GABRG3: variants seen among roughly 807,000 people sequenced by gnomAD.
GABRG3 encodes the protein gamma-aminobutyric acid type A receptor subunit gamma3.
A neutral mutation model predicts 48.8 loss-of-function variants in GABRG3; 25 were observed. The observed-to-expected ratio is 0.51, with a 90% CI of 0.37 to 0.72. The LOEUF is 0.72. GABRG3 is among the 30% of genes least tolerant of loss of function. The pLI, the probability that GABRG3 is intolerant of heterozygous loss-of-function variation, is 0.00. For missense variants in GABRG3, 394 were observed against 577.9 expected (o/e 0.68, Z 3.26); for synonymous variants, 227 against 217.6 (o/e 1.04, Z -0.38).
intron 3 of GABRG3, among the ~76,000 whole-genome samples, chr15:27,065,186 C>T (rs558299632): frequency 6.6e-6 from 1 of 152,132 alleles, no homozygotes; most frequent in South Asian, 2.1e-4. Context: ...TTTTACTCAC[C>T]ATAACGAGTG....
intron 5 of GABRG3, among the ~76,000 whole-genome samples, chr15:27,409,846 G>A (rs1887744994): frequency 6.6e-6 from 1 of 152,036 alleles, no homozygotes. Flanking sequence ...TTTTTACATA[G>A]ATTTTTGGGG....
intron 3 of GABRG3, among the ~76,000 whole-genome samples, chr15:27,272,622 A>G (rs1891127365): frequency 6.6e-6 from 1 of 152,178 alleles, no homozygotes; most frequent in South Asian, 2.1e-4. Flanking sequence ...TTAAAGACTA[A>G]TTAGAGTGGC....
chr15:27,299,652 G>T (rs765977453), intron 3 of GABRG3, among the ~76,000 whole-genome samples: 2 of 152,090 alleles, frequency 1.3e-5, no homozygotes, highest in African/African-American at 4.8e-5. Flanking sequence ...TTCCACTCAG[G>T]TGATGGCTGT....
At chr15:27,209,351 C>CT (rs1888992220) in intron 3 of GABRG3, among the ~76,000 whole-genome samples, 3 of 97,038 alleles carry the variant, frequency 3.1e-5, no homozygotes, top group Non-Finnish European at 6.7e-5. Flanking sequence ...TCTTTCTTTC[C>CT]TTCCTTCCTT....
At position 27,107,210 on chromosome 15, in the gene GABRG3, T is replaced by G. The variant is rs546083808; in HGVS notation, c.270+80389T>G. 2.0e-5 allele frequency among the ~76,000 whole-genome samples: 3 copies of G among 152,172 alleles called. No homozygotes were observed. In the South Asian group the frequency reaches 6.2e-4, roughly 32 times the overall value. ...GGTGTAGGATTTTTATATATTACTTTTACTATATTGAGAATGTTTCCCTGT... is the reference window on the plus strand; with the variant it reads ...GGTGTAGGATTTTTATATATTACTTGTACTATATTGAGAATGTTTCCCTGT... On this transcript the variant is annotated intron_variant, in intron 3 of 9. Transcript: ENST00000615808.
chr15:27,326,675 C>A, intron 3 of GABRG3, 134 bp from the exon 4 acceptor site: 1 of 679,604 alleles, frequency 1.5e-6, no homozygotes, highest in South Asian at 1.8e-5. Flanking sequence ...CATGTTGAAC[C>A]AGTCTCTATC....
Position 27,236,812 on chromosome 15 carries a change from A to G in GABRG3, c.271-89997A>G, listed in dbSNP as rs1889986049. Among the ~76,000 whole-genome samples the G allele has an allele frequency of 6.6e-6, 1 of 152,224 alleles. No individual in the cohort carries two copies. Among genetic ancestry groups the G allele is most frequent in the Non-Finnish European group, 1.5e-5 (1 of 68,042 alleles). ...AACATGGGTCCCATGAAGAGGCATG[A>G]AGCGCAATTGCACGTGTGTTTGTTT... On this transcript the variant is annotated intron_variant, in intron 3 of 9. Transcript: ENST00000615808. The surrounding 1 kb of genome is among the most constrained non-coding windows in gnomAD (Gnocchi z 4.4).
chr15:27,430,993 A>AATCAATC (rs1566837763), intron 5 of GABRG3, among the ~76,000 whole-genome samples: 1 of 92,200 alleles, frequency 1.1e-5, no homozygotes, highest in African/African-American at 5.7e-5. Context: ...CTGTCTCAAT[A>AATCAATC]AATAAATAAA....
At chr15:27,336,208 A>AG (rs1893961804) in intron 5 of GABRG3, among the ~76,000 whole-genome samples, 8 of 138,680 alleles carry the variant, frequency 5.8e-5, no homozygotes, top group Admixed American at 4.3e-4. Flanking sequence ...GAAAGAAAGA[A>AG]AGAGAGAGAG....
chr15:27,096,336 C>T (rs1255279167), intron 3 of GABRG3, among the ~76,000 whole-genome samples: 5 of 152,224 alleles, frequency 3.3e-5, no homozygotes, highest in Non-Finnish European at 7.3e-5. Flanking sequence ...AACATGTCCA[C>T]AGACATCTGG....
chr15:27,525,294 TC>T (rs1454084346), intron 7 of GABRG3, among the ~76,000 whole-genome samples: 1 of 152,148 alleles, frequency 6.6e-6, no homozygotes, highest in Non-Finnish European at 1.5e-5. Flanking sequence ...CCCTCCAAAG[TC>T]AAGAAGAAAG....
intron 5 of GABRG3, among the ~76,000 whole-genome samples, chr15:27,471,870 A>G (rs912462334): frequency 6.6e-6 from 1 of 152,198 alleles, no homozygotes. Context: ...GTAGAGTTTT[A>G]TAATAGTTAA....
chr15:27,390,416 C>A (rs1282061652), intron 5 of GABRG3, among the ~76,000 whole-genome samples: 7 of 152,166 alleles, frequency 4.6e-5, no homozygotes, highest in African/African-American at 1.7e-4. Context: ...AAACTGCTGA[C>A]ATAATTTTTG....
intron 6 of GABRG3, among the ~76,000 whole-genome samples, chr15:27,512,031 C>T (rs917472752): frequency 1.3e-5 from 2 of 152,048 alleles, no homozygotes; most frequent in African/African-American, 4.8e-5. Context: ...GGAGGGAGCC[C>T]AAACCATGAA....
intron 3 of GABRG3, among the ~76,000 whole-genome samples, chr15:27,108,747 C>A (rs1182359670): frequency 2.0e-5 from 3 of 152,098 alleles, no homozygotes; most frequent in African/African-American, 7.2e-5. Context: ...TATTTTGATA[C>A]CCTGGTATTT....
chr15:27,313,238 A>ATGTG lies in GABRG3; in HGVS notation c.271-13570_271-13569insGTGT, dbSNP rs1269940849. Among the ~76,000 whole-genome samples, 162 of 77,550 alleles carry ATGTG rather than the reference A, an allele frequency of 2.1e-3. 1 individual carries two copies. Among genetic ancestry groups the ATGTG allele is most frequent in the Non-Finnish European group, 3.3e-3 (135 of 40,962 alleles). 50.9% of individuals were successfully genotyped at this position (77,550 alleles called of 152,430 possible). On this transcript the variant is annotated intron_variant, in intron 3 of 9. Coordinates refer to ENST00000615808, the MANE Select transcript of GABRG3 (RefSeq NM_033223.5). ...TATGTATATATATACGTATATGTAT[A>ATGTG]TATGTGTGTGTGTGTGTGTGTGTGT... is the stretch of plus-strand genomic sequence containing the variant.
chr15:27,342,974 C>T (rs188782475), intron 5 of GABRG3, among the ~76,000 whole-genome samples: 1 of 152,366 alleles, frequency 6.6e-6, no homozygotes, highest in Admixed American at 6.5e-5. Flanking sequence ...GGGATGCGCT[C>T]AGCAAGTGAC....
chr15:27,050,224 GAA>G (rs2140709536), intron 3 of GABRG3, among the ~76,000 whole-genome samples: 1 of 152,318 alleles, frequency 6.6e-6, no homozygotes, highest in South Asian at 2.1e-4. Context: ...TAGCCGTAGG[GAA>G]AAGACACAAT....
rs1057075072 is a variant in GABRG3, at chr15:27,443,463, C to T, written c.575-37187C>T. Reference sequence around the variant, plus strand: ...TTCATGCTTATTACAAGTGGTATTGCACTTTAAAATTCATTTTGAATCATA... The same window carrying T: ...TTCATGCTTATTACAAGTGGTATTGTACTTTAAAATTCATTTTGAATCATA... On this transcript the variant is annotated intron_variant, in intron 5 of 9. Coordinates refer to ENST00000615808, the MANE Select transcript of GABRG3 (RefSeq NM_033223.5). Among the ~76,000 whole-genome samples the T allele has an allele frequency of 7.2e-5, 11 of 152,286 alleles. No individual in the cohort carries two copies. In the East Asian group the frequency reaches 1.9e-3, roughly 27 times the overall value.
Sources: allele counts gnomAD v4.1 joint callset (sites outside exome capture counted in the v4.1 genomes callset), GRCh38; gene constraint gnomAD v4.1.1; non-coding constraint Gnocchi (gnomAD v3.1); transcripts MANE v1.5; gene names NCBI Gene and HGNC (gene_info 2026-07-23, HGNC 2026-07-21).